The following CHD9 variants were observed in gnomAD, a reference collection of about 807,000 sequenced individuals.
CHD9 encodes the protein chromodomain helicase DNA binding protein 9, also known as ATP-dependent chromatin remodeler CHD9.
A neutral mutation model predicts 316.1 loss-of-function variants in CHD9; 77 were observed. The observed-to-expected ratio is 0.24, with a 90% CI of 0.20 to 0.29. The LOEUF (loss-of-function observed/expected upper bound fraction) is 0.29. CHD9 is among the 10% of genes least tolerant of loss of function. CHD9 has a pLI of 1.00. For synonymous variants in CHD9, 1,129 were observed against 1,158.3 expected, an observed-to-expected ratio of 0.97 and a Z score of 0.51; for missense variants, 2,763 against 3,438.1, an observed-to-expected ratio of 0.80 and a Z score of 4.91.
chr16:53,267,238 C>G (rs2051785959), intron 20 of CHD9, 56 bp from the exon 21 acceptor site: 2 of 1,211,888 alleles, frequency 1.7e-6, no homozygotes. Context: ...ATGTAGAACA[C>G]TGTTGTAAGC....
intron 2 of CHD9, among the ~76,000 whole-genome samples, chr16:53,187,763 C>T (rs1476901018): frequency 6.6e-6 from 1 of 151,882 alleles, no homozygotes; most frequent in Non-Finnish European, 1.5e-5. Flanking sequence ...TAACTGGTGA[C>T]CTTGGGAAAA....
intron 2 of CHD9, among the ~76,000 whole-genome samples, chr16:53,166,329 G>A (rs2042267229): frequency 6.6e-6 from 1 of 152,106 alleles, no homozygotes; most frequent in African/African-American, 2.4e-5. Flanking sequence ...AGGGTAAGAG[G>A]TGAACAGAAA....
chr16:53,138,325 G>C (rs2039868524), intron 1 of CHD9, among the ~76,000 whole-genome samples: 1 of 152,172 alleles, frequency 6.6e-6, no homozygotes, highest in South Asian at 2.1e-4. Flanking sequence ...ATTTCTCAAA[G>C]ATTTGAGTGA....
At chr16:53,192,132 C>T (rs1470374599) in intron 2 of CHD9, among the ~76,000 whole-genome samples, 1 of 150,564 alleles carries the variant, frequency 6.6e-6, no homozygotes, top group African/African-American at 2.4e-5. Context: ...GGTATATGTG[C>T]CTGCACACAT....
At chr16:53,319,518 G>A (rs1407411639) in intron 37 of CHD9, among the ~76,000 whole-genome samples, 2 of 152,124 alleles carry the variant, frequency 1.3e-5, no homozygotes, top group Admixed American at 6.5e-5. Context: ...TAGCATACAT[G>A]TCTTAAGGAA....
intron 2 of CHD9, among the ~76,000 whole-genome samples, chr16:53,174,321 T>G (rs1445489285): frequency 6.6e-6 from 1 of 152,246 alleles, no homozygotes; most frequent in African/African-American, 2.4e-5. Context: ...ATGTGTTATT[T>G]AATTATATTT....
chr16:53,078,043 C>T (rs4784288), intron 1 of CHD9, among the ~76,000 whole-genome samples: 42,601 of 151,780 alleles, frequency 0.28, 7,536 homozygotes, highest in Non-Finnish European at 0.39. Flanking sequence ...CACTGCACTC[C>T]GGCATGGGCA....
chr16:53,299,485 G>C (rs756599217), intron 30 of CHD9: 1 of 269,626 alleles, frequency 3.7e-6, no homozygotes, highest in Non-Finnish European at 7.3e-6. Context: ...ATCAGTCTGC[G>C]CTCTGCAGCA....
intron 19 of CHD9, 88 bp from the exon 20 acceptor site, chr16:53,262,899 A>C (rs1000570895): frequency 1.8e-5 from 20 of 1,088,950 alleles, no homozygotes; most frequent in Non-Finnish European, 2.5e-5. Flanking sequence ...TGCAGAATTC[A>C]AATTCTATCC....
At chr16:53,319,776 G>T (rs2057137466) in intron 37 of CHD9, 1 of 1,199,270 alleles carries the variant, frequency 8.3e-7, no homozygotes. Flanking sequence ...TCCTTAATTT[G>T]TAGAGTTTCT....
At chr16:53,250,156 C>T (rs2050005614) in intron 17 of CHD9, 90 bp downstream of exon 17, 2 of 776,426 alleles carry the variant, frequency 2.6e-6, no homozygotes, top group South Asian at 3.7e-5. Context: ...TTATTTTTAT[C>T]TGGACAAACT....
At chr16:53,228,537 G>GTTTTTT (rs758037912) in intron 7 of CHD9, among the ~76,000 whole-genome samples, 32 of 105,044 alleles carry the variant, frequency 3.0e-4, no homozygotes, top group African/African-American at 3.7e-4. Flanking sequence ...CCATGAAAGT[G>GTTTTTT]TTTTTTTTTT....
At chr16:53,296,606 A>G (rs1459306842) in intron 29 of CHD9, among the ~76,000 whole-genome samples, 1 of 151,750 alleles carries the variant, frequency 6.6e-6, no homozygotes, top group African/African-American at 2.4e-5. Flanking sequence ...ATGCCCAGCT[A>G]ATTTTATTTT....
chr16:53,263,202 C>T (rs568023816), intron 20 of CHD9, 105 bp downstream of exon 20: 3 of 741,826 alleles, frequency 4.0e-6, no homozygotes, highest in Non-Finnish European at 6.4e-6. Context: ...AAACAAATTT[C>T]TAGATATATA....
rs756343923 is a variant in CHD9 at position 53,324,602 on chromosome 16, A to G, written c.8401A>G (p.Ile2801Val). 9.9e-6 allele frequency: 16 copies of G among 1,613,610 alleles called. No homozygotes were observed. The highest frequency in any genetic ancestry group is 2.2e-5 in the South Asian group (2 of 91,062). ...LALNPLLLSN[I>V]LYPGMLLTPG... ...TCTTAACCCACTATTACTATCTAAT[A>G]TACTTTATCCAGGGATGCTTCTCAC... The change falls in exon 39 of 39, where the codon ATA becomes GTA. Residue 2801 changes from isoleucine (I) to valine (V), a missense_variant. This residue lies in a region of CHD9 where 298 missense variants were observed against 380.2 expected (regional missense o/e 0.78). Coordinates refer to ENST00000447540, the MANE Select transcript of CHD9 (RefSeq NM_001308319.2).
intron 2 of CHD9, among the ~76,000 whole-genome samples, chr16:53,174,128 AC>A (rs1161202203): frequency 6.6e-6 from 1 of 152,222 alleles, no homozygotes; most frequent in African/African-American, 2.4e-5. Flanking sequence ...ACAAAAAAAT[AC>A]AAAAATTAGC....
chr16:53,146,965 T>C (rs2152725052), intron 1 of CHD9, among the ~76,000 whole-genome samples: 1 of 152,252 alleles, frequency 6.6e-6, no homozygotes, highest in East Asian at 1.9e-4. Context: ...TTATGTAGCA[T>C]TCCCTCTCCC....
At chr16:53,126,203 C>A (rs2038962104) in intron 1 of CHD9, among the ~76,000 whole-genome samples, 1 of 151,812 alleles carries the variant, frequency 6.6e-6, no homozygotes, top group East Asian at 1.9e-4. Context: ...GTGTGTGGTC[C>A]CTTTTGGTTT....
At chr16:53,200,263 T>C (rs56071638) in intron 2 of CHD9, among the ~76,000 whole-genome samples, 72,991 of 150,348 alleles carry the variant, frequency 0.49, 18,264 homozygotes, top group African/African-American at 0.59. Flanking sequence ...CCCAGCTACT[T>C]GGGAGGCTGA....
Sources: allele counts gnomAD v4.1 joint callset (sites outside exome capture counted in the v4.1 genomes callset), GRCh38; gene constraint gnomAD v4.1.1; regional missense constraint gnomAD v4.1.1; transcripts MANE v1.5; gene names NCBI Gene and HGNC (gene_info 2026-07-23, HGNC 2026-07-21).